Variants in FBXW11 observed in about 807,000 individuals in gnomAD.
The protein encoded by FBXW11 is F-box and WD repeat domain containing 11, also known as F-box/WD repeat-containing protein 11.
Under a neutral mutation model 77.6 loss-of-function variants are expected in FBXW11, and 19 were observed. The ratio of observed to expected loss-of-function variants is 0.24; its 90% CI spans 0.17 to 0.36. The LOEUF is 0.36. Among genes scored for constraint, FBXW11 ranks in the 10% least tolerant of loss-of-function variants. The pLI is 1.00. For synonymous variants in FBXW11, 235 were observed against 249.4 expected, an observed-to-expected ratio of 0.94 and a Z score of 0.54; for missense variants, 334 against 704.2, an observed-to-expected ratio of 0.47 and a Z score of 5.95.
chr5:171,876,243 A>G lies in FBXW11; in HGVS notation c.1221+42T>C. ...ACCTCTGCTTTGTCTCTGTTCTAAA[A>G]GGGACAGGAACAGGTAGGGTTATGA... On this transcript the variant is annotated intron_variant, in intron 9 of 13. Transcript: ENST00000517395. The surrounding 1 kb of genome is among the most constrained non-coding windows in gnomAD (Gnocchi z 4.2). 1 of 1,607,872 alleles carries G rather than the reference A, an allele frequency of 6.2e-7. No homozygotes were observed.
rs775523021 is a variant in FBXW11, at chr5:171,904,134, TA to T, written c.437-4035del. Among the ~76,000 whole-genome samples the T allele has an allele frequency of 1.7e-4, 26 of 152,028 alleles. No homozygotes were observed. The highest frequency in any genetic ancestry group is 3.5e-4 in the Non-Finnish European group (24 of 68,000). On this transcript the variant is annotated intron_variant, in intron 4 of 13. Transcript: ENST00000517395. This position sits in a 1 kb window ranked among gnomAD's most constrained non-coding sequence, Gnocchi z 4.0. ...CAGCATGGCAAAACTCCATCTCTACTAAATATACAAAAATTAGCCATGGTGG... is the reference window on the plus strand; with the variant it reads ...CAGCATGGCAAAACTCCATCTCTACTAATATACAAAAATTAGCCATGGTGG...
rs375684290 is a variant in FBXW11 at position 171,910,981 on chromosome 5, A to G, written c.211-184T>C. On this transcript the variant is annotated intron_variant, in intron 3 of 13. Coordinates refer to ENST00000517395, the MANE Select transcript of FBXW11 (RefSeq NM_001378974.1). Reference sequence around the variant, plus strand: ...ATGTATTCAGGGTCTGTGTCCTCAAATTAGTCACTACAGGAAATGCCAAAA... The same window carrying G: ...ATGTATTCAGGGTCTGTGTCCTCAAGTTAGTCACTACAGGAAATGCCAAAA... Among the ~76,000 whole-genome samples the G allele has an allele frequency of 9.2e-5, 14 of 152,282 alleles. No homozygotes were observed. The East Asian group carries it at 2.5e-3, about 27-fold the overall frequency.
chr5:171,996,085 G>T (rs183988218), intron 1 of FBXW11, among the ~76,000 whole-genome samples: 1 of 152,134 alleles, frequency 6.6e-6, no homozygotes, highest in Non-Finnish European at 1.5e-5. Context: ...TATGTAAAGT[G>T]CATACAAGGG....
intron 1 of FBXW11, among the ~76,000 whole-genome samples, chr5:171,980,623 T>C (rs1765088913): frequency 6.6e-6 from 1 of 152,120 alleles, no homozygotes; most frequent in African/African-American, 2.4e-5. Context: ...AAAACCACAA[T>C]GAAATACCAT....
chr5:171,915,641 G>GTGTGTGTGTGTT (rs1319825172), intron 2 of FBXW11, among the ~76,000 whole-genome samples: 1 of 151,878 alleles, frequency 6.6e-6, no homozygotes, highest in Non-Finnish European at 1.5e-5. Context: ...GTGTGTGTGT[G>GTGTGTGTGTGTT]TGTGTGTGTG....
At chr5:172,003,943 A>G (rs898150463) in intron 1 of FBXW11, among the ~76,000 whole-genome samples, 6 of 152,262 alleles carry the variant, frequency 3.9e-5, no homozygotes, top group Non-Finnish European at 8.8e-5. Context: ...TGGTACAAGC[A>G]GCACAATCAC....
At chr5:171,999,443 T>C (rs1766280387) in intron 1 of FBXW11, among the ~76,000 whole-genome samples, 1 of 151,876 alleles carries the variant, frequency 6.6e-6, no homozygotes, top group East Asian at 1.9e-4. Flanking sequence ...CTTCAATCCC[T>C]AATTGTATAT....
intron 2 of FBXW11, among the ~76,000 whole-genome samples, chr5:171,945,626 A>T (rs1005979997): frequency 1.3e-5 from 2 of 152,194 alleles, no homozygotes; most frequent in African/African-American, 4.8e-5. Flanking sequence ...TTCTTCCACA[A>T]ATTGAGCACT....
At chr5:171,965,913 T>C (rs1764161836) in intron 1 of FBXW11, among the ~76,000 whole-genome samples, 1 of 152,128 alleles carries the variant, frequency 6.6e-6, no homozygotes. Context: ...ACGTCCCCCT[T>C]GCTGTTCTCG....
intron 1 of FBXW11, among the ~76,000 whole-genome samples, chr5:171,982,604 G>A (rs550508321): frequency 6.6e-6 from 1 of 152,340 alleles, no homozygotes; most frequent in South Asian, 2.1e-4. Flanking sequence ...CCAAGTGATG[G>A]CTAGAATGCT....
At chr5:171,994,100 T>C (rs551528446) in intron 1 of FBXW11, among the ~76,000 whole-genome samples, 2 of 152,354 alleles carry the variant, frequency 1.3e-5, no homozygotes, top group African/African-American at 4.8e-5. Context: ...TATAAAACTG[T>C]TTCCTTTTGC....
chr5:171,869,854 T>C lies in FBXW11; in HGVS notation c.1452-47A>G, dbSNP rs1272354871. On this transcript the variant is annotated intron_variant, in intron 11 of 13. Transcript: ENST00000517395. This position sits in a 1 kb window ranked among gnomAD's most constrained non-coding sequence, Gnocchi z 4.1. ...GATTAGTGGAAAAGTGAACAATTTA[T>C]ATGCTGTCAAACATTTCCTTGAAAA... 4 of 1,312,532 alleles carry C rather than the reference T, an allele frequency of 3.0e-6. No homozygotes were observed. Among genetic ancestry groups the C allele is most frequent in the Non-Finnish European group, 4.3e-6 (4 of 929,974 alleles). 81.3% of individuals were successfully genotyped at this position (1,312,532 alleles called of 1,614,324 possible).
chr5:171,869,777 A>G lies in FBXW11; in HGVS notation c.1482T>C (p.Ala494=). The change falls in exon 12 of 14, where the codon GCT becomes GCC. Residue 494 remains alanine (A), a synonymous_variant. Coordinates refer to ENST00000517395, the MANE Select transcript of FBXW11 (RefSeq NM_001378974.1). This position sits in a 1 kb window ranked among gnomAD's most constrained non-coding sequence, Gnocchi z 4.1. ...GKIKVWDLQA[A]LDPRAPASTL... ...TGCTTGCTGGGGCTCGAGGGTCAAG[A>G]GCAGCTTGCAAGTCCCAAACTTTAA... The G allele has an allele frequency of 1.2e-6, 2 of 1,611,392 alleles. No homozygotes were observed. Among genetic ancestry groups the G allele is most frequent in the African/African-American group, 2.7e-5 (2 of 74,938 alleles).
At chr5:171,903,454 G>A (rs839284) in intron 4 of FBXW11, among the ~76,000 whole-genome samples, 141,565 of 152,180 alleles carry the variant, frequency 0.93, 65,934 homozygotes, top group East Asian at 1. Flanking sequence ...GGATAATCAC[G>A]TGGGGTTCTG....
intron 1 of FBXW11, among the ~76,000 whole-genome samples, chr5:171,984,891 G>T (rs1032023128): frequency 6.6e-6 from 1 of 152,034 alleles, no homozygotes; most frequent in Non-Finnish European, 1.5e-5. Flanking sequence ...TAAGCTTTAC[G>T]GTGACGACAT....
Position 171,874,352 on chromosome 5 carries a change from C to A in FBXW11, c.1222-1362G>T, listed in dbSNP as rs575288540. Among the ~76,000 whole-genome samples the A allele has an allele frequency of 5.3e-5, 8 of 152,238 alleles. No homozygotes were observed. In the South Asian group the frequency reaches 1.7e-3, roughly 32 times the overall value. Reference sequence around the variant, plus strand: ...ACTAGGGCAGATATAATAAAAGAGACAAATAATAGGAAGTGTTGGCAAGGA... The same window carrying A: ...ACTAGGGCAGATATAATAAAAGAGAAAAATAATAGGAAGTGTTGGCAAGGA... On this transcript the variant is annotated intron_variant, in intron 9 of 13. Coordinates refer to ENST00000517395, the MANE Select transcript of FBXW11 (RefSeq NM_001378974.1).
chr5:171,990,789 G>A (rs1408083237), intron 1 of FBXW11, among the ~76,000 whole-genome samples: 1 of 152,110 alleles, frequency 6.6e-6, no homozygotes, highest in Non-Finnish European at 1.5e-5. Context: ...AATGTAGTTG[G>A]GTGGCTAGAA....
chr5:171,998,688 T>A (rs988100646), intron 1 of FBXW11, among the ~76,000 whole-genome samples: 9 of 150,206 alleles, frequency 6.0e-5, no homozygotes, highest in Admixed American at 4.7e-4. Flanking sequence ...TCCCAGCTAC[T>A]CGGGAGGCTG....
chr5:171,951,444 G>A (rs973285216), intron 2 of FBXW11, among the ~76,000 whole-genome samples: 7 of 152,186 alleles, frequency 4.6e-5, no homozygotes, highest in East Asian at 1.9e-4. Context: ...GCTGAAGTGC[G>A]AGGGATCACT....
Sources: allele counts gnomAD v4.1 joint callset (sites outside exome capture counted in the v4.1 genomes callset), GRCh38; gene constraint gnomAD v4.1.1; non-coding constraint Gnocchi (gnomAD v3.1); transcripts MANE v1.5; gene names NCBI Gene and HGNC (gene_info 2026-07-23, HGNC 2026-07-21).